Variants in CDH4 observed in about 807,000 individuals in gnomAD.
The protein encoded by CDH4 is cadherin 4.
A neutral mutation model predicts 86.0 loss-of-function variants in CDH4; 33 were observed. The observed-to-expected ratio is 0.38, with a 90% confidence interval of 0.29 to 0.51. CDH4 has a LOEUF of 0.51. Among genes scored for constraint, CDH4 ranks in the 20% least tolerant of loss-of-function variants. CDH4 has a pLI of 0.86. For missense variants in CDH4, 1,114 were observed against 1,307.4 expected (o/e 0.85, Z 2.28); for synonymous variants, 555 against 549.4 (o/e 1.01, Z -0.14).
chr20:61,885,691 G>A (rs1984509916), intron 7 of CDH4, among the ~76,000 whole-genome samples: 1 of 152,180 alleles, frequency 6.6e-6, no homozygotes, highest in Admixed American at 6.5e-5. Context: ...CTTGACTTGT[G>A]AGGACCCGCC....
At chr20:61,256,567 G>A (rs1392248508) in intron 2 of CDH4, among the ~76,000 whole-genome samples, 1 of 152,220 alleles carries the variant, frequency 6.6e-6, no homozygotes, top group Non-Finnish European at 1.5e-5. Context: ...CTAGATCACT[G>A]GCCGGATGTC....
intron 2 of CDH4, among the ~76,000 whole-genome samples, chr20:61,350,690 C>T (rs1032960359): frequency 3.6e-5 from 5 of 139,644 alleles, no homozygotes; most frequent in Admixed American, 2.9e-4. Context: ...GACCTTGCCT[C>T]TCCCACCCAG....
chr20:61,458,596 CATAATG>C lies in CDH4; in HGVS notation c.169+203660_169+203665del, dbSNP rs560828603. Among the ~76,000 whole-genome samples, 284 of 151,656 alleles carry C rather than the reference CATAATG, an allele frequency of 1.9e-3. 1 individual carries two copies. The highest frequency in any genetic ancestry group is 6.6e-3 in the African/African-American group (271 of 41,314). On this transcript the variant is annotated intron_variant, in intron 2 of 15. Transcript: ENST00000614565. ...TGATGGTGATAATGATTTGGATAGT[CATAATG>C]GTAATGGTAATGACTGGTGACAGTA...
At chr20:61,620,709 C>G (rs2086769760) in intron 2 of CDH4, among the ~76,000 whole-genome samples, 1 of 152,188 alleles carries the variant, frequency 6.6e-6, no homozygotes, top group South Asian at 2.1e-4. Context: ...CAACATCTTT[C>G]CCTTTAGGCT....
Position 61,709,566 on chromosome 20 carries a change from G to A in CDH4, c.170-33997G>A, listed in dbSNP as rs899429883. On this transcript the variant is annotated intron_variant, in intron 2 of 15. Coordinates refer to ENST00000614565, the MANE Select transcript of CDH4 (RefSeq NM_001794.5). The surrounding 1 kb of genome is among the most constrained non-coding windows in gnomAD (Gnocchi z 4.8). ...GCTGGGATTACAGGCATGAGCCACT[G>A]TGCCTGGCAATTTTTGAATGACAAT... 4.6e-5 allele frequency among the ~76,000 whole-genome samples: 7 copies of A among 151,642 alleles called. No individual in the cohort carries two copies. Among genetic ancestry groups the A allele is most frequent in the African/African-American group, 1.2e-4 (5 of 41,326 alleles).
chr20:61,336,717 T>C (rs1002789262), intron 2 of CDH4, among the ~76,000 whole-genome samples: 3 of 152,062 alleles, frequency 2.0e-5, no homozygotes, highest in African/African-American at 7.2e-5. Flanking sequence ...CTTCAGAGGG[T>C]CGATTGCCCA....
intron 5 of CDH4, among the ~76,000 whole-genome samples, chr20:61,849,157 T>C (rs1261412771): frequency 6.6e-6 from 1 of 151,848 alleles, no homozygotes; most frequent in Non-Finnish European, 1.5e-5. Context: ...GTTCCACTTG[T>C]AGCTAATCTC....
chr20:61,418,200 C>T (rs1376616846), intron 2 of CDH4, among the ~76,000 whole-genome samples: 2 of 125,722 alleles, frequency 1.6e-5, no homozygotes, highest in African/African-American at 3.6e-5. Flanking sequence ...AAACTTTTTT[C>T]TTTTTTTTCT....
chr20:61,632,639 C>G (rs1011346980), intron 2 of CDH4, among the ~76,000 whole-genome samples: 2 of 151,790 alleles, frequency 1.3e-5, no homozygotes, highest in Non-Finnish European at 2.9e-5. Context: ...CATCCATTTC[C>G]CCACCTCTCT....
chr20:61,643,362 C>T (rs537987692), intron 2 of CDH4, among the ~76,000 whole-genome samples: 2 of 152,362 alleles, frequency 1.3e-5, no homozygotes, highest in Admixed American at 6.5e-5. Flanking sequence ...AGTACCGTTA[C>T]ATTGGGAACT....
chr20:61,422,164 C>T (rs776546546), intron 2 of CDH4, among the ~76,000 whole-genome samples: 5 of 152,162 alleles, frequency 3.3e-5, no homozygotes, highest in African/African-American at 4.8e-5. Context: ...CGGTGGCTCA[C>T]GCCTGTAATC....
At chr20:61,297,498 A>G (rs140595717) in intron 2 of CDH4, among the ~76,000 whole-genome samples, 1 of 152,336 alleles carries the variant, frequency 6.6e-6, no homozygotes, top group African/African-American at 2.4e-5. Context: ...CACCATGAAC[A>G]TATCTCAGAG....
rs1394407994 is a variant in CDH4, at chr20:61,383,374, TATG to T, written c.169+128438_169+128440del. On this transcript the variant is annotated intron_variant, in intron 2 of 15. Transcript: ENST00000614565. ...ATATATATGGATATATATGAATATA[TATG>T]GATATATATGAATATATGATATATA... Among the ~76,000 whole-genome samples, 23 of 82,014 alleles carry T rather than the reference TATG, an allele frequency of 2.8e-4. 1 individual carries two copies. The highest frequency in any genetic ancestry group is 1.2e-3 in the African/African-American group (18 of 15,044). 53.8% of individuals were successfully genotyped at this position (82,014 alleles called of 152,430 possible).
intron 8 of CDH4, among the ~76,000 whole-genome samples, chr20:61,909,168 G>A (rs1012082781): frequency 7.2e-5 from 11 of 152,192 alleles, no homozygotes; most frequent in South Asian, 4.1e-4. Flanking sequence ...GGACACTCCC[G>A]GTGGAAGGGG....
chr20:61,793,223 C>T (rs1011827993), intron 4 of CDH4, among the ~76,000 whole-genome samples: 15 of 152,080 alleles, frequency 9.9e-5, no homozygotes, highest in African/African-American at 3.4e-4. Flanking sequence ...CCTTGGCCTC[C>T]CAAAGTGCTG....
intron 2 of CDH4, among the ~76,000 whole-genome samples, chr20:61,577,630 C>T (rs1333128596): frequency 6.6e-6 from 1 of 151,996 alleles, no homozygotes; most frequent in Non-Finnish European, 1.5e-5. Flanking sequence ...CTCTGGGGTC[C>T]CAGGAAGGAT....
chr20:61,437,777 G>A (rs528287097), intron 2 of CDH4, among the ~76,000 whole-genome samples: 9 of 152,246 alleles, frequency 5.9e-5, no homozygotes, highest in African/African-American at 1.7e-4. Flanking sequence ...TGATGCAGAC[G>A]GTCCCGTTTT....
chr20:61,810,327 C>A lies in CDH4; in HGVS notation c.577-34341C>A, dbSNP rs1314664188. Among the ~76,000 whole-genome samples, 1 of 152,240 alleles carries A rather than the reference C, an allele frequency of 6.6e-6. No homozygotes were observed. ...GGCTGTGCCAGGCTGTCGTCCCCCC[C>A]ATGAGCCTGCTGTGTGTGTCTGTGA... On this transcript the variant is annotated intron_variant, in intron 4 of 15. Transcript: ENST00000614565. The surrounding 1 kb of genome is among the most constrained non-coding windows in gnomAD (Gnocchi z 4.3).
At chr20:61,867,905 C>G (rs573099757) in intron 6 of CDH4, among the ~76,000 whole-genome samples, 2 of 152,188 alleles carry the variant, frequency 1.3e-5, no homozygotes, top group Non-Finnish European at 2.9e-5. Flanking sequence ...CCGATGACTC[C>G]GGCCATCTCA....
Sources: allele counts gnomAD v4.1 joint callset (sites outside exome capture counted in the v4.1 genomes callset), GRCh38; gene constraint gnomAD v4.1.1; non-coding constraint Gnocchi (gnomAD v3.1); transcripts MANE v1.5; gene names NCBI Gene and HGNC (gene_info 2026-07-23, HGNC 2026-07-21).